The following TMEM179B variants were observed in gnomAD, a reference collection of about 807,000 sequenced individuals.
TMEM179B encodes the protein transmembrane protein 179B.
In TMEM179B, 13 loss-of-function variants were observed where a neutral mutation model predicts 18.0. The ratio of observed to expected loss-of-function variants is 0.72; its 90% CI spans 0.47 to 1.15. The LOEUF is 1.15. TMEM179B is among the 50% of genes most tolerant of loss of function. The pLI, the probability that TMEM179B is intolerant of heterozygous loss-of-function variation, is 0.00. For synonymous variants in TMEM179B, 159 were observed against 117.5 expected (o/e 1.35, Z -2.29); for missense variants, 320 against 270.6 (o/e 1.18, Z -1.28).
rs768806057 is a variant in TMEM179B at position 62,789,092 on chromosome 11, C to T, written c.166C>T (p.Arg56Cys). The change falls in exon 2 of 5, where the codon CGT (arginine) becomes TGT (cysteine). Residue 56 changes from arginine to cysteine, a missense_variant. Transcript: ENST00000333449. ...GAATGGCTCCTCCCTGGCCTTATCC[C>T]GTCCCTCAGCACCATCCCTGTGCTA... Reference protein sequence around the residue: ...TLNGSSLALSRPSAPSLCYFV... With the variant: ...TLNGSSLALSCPSAPSLCYFV... 6.2e-6 allele frequency: 10 copies of T among 1,614,076 alleles called. No homozygotes were observed. The highest frequency in any genetic ancestry group is 5.3e-5 in the African/African-American group (4 of 74,920).
intron 1 of TMEM179B, among the ~76,000 whole-genome samples, chr11:62,788,296 C>T (rs1005618868): frequency 1.3e-5 from 2 of 151,848 alleles, no homozygotes; most frequent in Non-Finnish European, 2.9e-5. Flanking sequence ...CCAGCTACTT[C>T]GGAGGCTGAG....
rs776181636 is a variant in TMEM179B at position 62,789,410 on chromosome 11, T to C, written c.403T>C (p.Leu135=). The part of the protein sequence containing the change: ...TRSLCNSIIS[L]NTTISCSEAQ... ...GTCTCTCTGCAACTCCATCATCTCC[T>C]TGAACACTACAATTAGGTAATGGGA... The change falls in exon 3 of 5, where the codon TTG becomes CTG. Residue 135 remains leucine, a synonymous_variant. Transcript: ENST00000333449. The C allele has an allele frequency of 6.2e-7, 1 of 1,613,872 alleles. No homozygotes were observed.
chr11:62,790,030 C>A lies in TMEM179B; in HGVS notation c.643C>A (p.Arg215Ser), dbSNP rs141258525. Residue 215 changes from arginine (R) to serine (S), a missense_variant, in exon 5 of 5, where the codon CGC (arginine) becomes AGC (serine). By Grantham distance (110) the Arg-to-Ser change is moderately radical. Transcript: ENST00000333449. ...TGAGACAGATGCTCTCGTTGGGTCA[C>A]GCCTTTCCCATTCCTGAAGAATAAG... ...SSETDALVGS[R>S]LSHS 6.2e-7 allele frequency: 1 copy of A among 1,611,914 alleles called. No individual in the cohort carries two copies. The highest frequency in any genetic ancestry group is 8.5e-7 in the Non-Finnish European group (1 of 1,178,916).
intron 3 of TMEM179B, 55 bp downstream of exon 3, chr11:62,789,481 G>C (rs1197844829): frequency 5.0e-6 from 8 of 1,610,804 alleles, no homozygotes; most frequent in Non-Finnish European, 6.8e-6. Flanking sequence ...CCTCTGCAGC[G>C]GGGTCCTATA....
chr11:62,788,703 A>G (rs2084320932), intron 1 of TMEM179B, among the ~76,000 whole-genome samples: 1 of 150,478 alleles, frequency 6.6e-6, no homozygotes, highest in Admixed American at 6.6e-5. Context: ...AGCACCTCAC[A>G]GATAGTTATT....
intron 1 of TMEM179B, chr11:62,788,049 A>G (rs2084309349): frequency 2.2e-5 from 10 of 454,588 alleles, no homozygotes; most frequent in South Asian, 1.6e-4. Flanking sequence ...GTTAATAAAC[A>G]TGGGTTCATT....
At chr11:62,789,761 C>G (rs1176756433) in intron 4 of TMEM179B, 82 bp downstream of exon 4, 1 of 1,514,480 alleles carries the variant, frequency 6.6e-7, no homozygotes, top group African/African-American at 1.4e-5. Context: ...TGAGCTTGGC[C>G]TACCAGTGAG....
rs1174625874 is a variant in TMEM179B, at chr11:62,790,244, TTAG to T, written c.*202_*204del. The T allele has an allele frequency of 3.2e-6, 2 of 625,330 alleles. No homozygotes were observed. The highest frequency in any genetic ancestry group is 2.6e-6 in the Non-Finnish European group (1 of 381,076). The allele number at this position is 625,330 out of a possible 1,614,324, so 38.7% of individuals were successfully genotyped here. A position where few individuals can be genotyped will look rare whatever the true frequency, so the allele number is the denominator to read the frequency against. On this transcript the variant is annotated 3_prime_UTR_variant, in exon 5 of 5. Coordinates refer to ENST00000333449, the MANE Select transcript of TMEM179B (RefSeq NM_199337.3). ...AAAATATTATATTACTGTCTTCATCTTAGTAGTGAGTTTTTGATGTTAAAGTAC... is the reference window on the plus strand; with the variant it reads ...AAAATATTATATTACTGTCTTCATCTTAGTGAGTTTTTGATGTTAAAGTAC...
In TMEM179B at chr11:62,789,215, C is replaced by T; in HGVS notation, c.284+5C>T. On this transcript the variant is annotated splice_donor_5th_base_variant and intron_variant, in intron 2 of 4. Transcript: ENST00000333449. ...CTGCATCGAGGACTCCCACAGGTGACTGCCTAACCCTGAGGGCCAGGGGCT... is the reference window on the plus strand; with the variant it reads ...CTGCATCGAGGACTCCCACAGGTGATTGCCTAACCCTGAGGGCCAGGGGCT... The T allele has an allele frequency of 6.2e-7, 1 of 1,613,966 alleles. No homozygotes were observed. The highest frequency in any genetic ancestry group is 8.5e-7 in the Non-Finnish European group (1 of 1,179,840).
Position 62,787,413 on chromosome 11 carries a change from T to C in TMEM179B, c.-19T>C. The C allele has an allele frequency of 6.4e-7, 1 of 1,557,076 alleles. No individual in the cohort carries two copies. Among genetic ancestry groups the C allele is most frequent in the Non-Finnish European group, 8.6e-7 (1 of 1,159,590 alleles). ...GGCGGGGTGCTGCTGCAGCGGCGCT[T>C]CCTGGTGGTCAGGGCGCCATGGCGC... On this transcript the variant is annotated 5_prime_UTR_variant, in exon 1 of 5. Transcript: ENST00000333449.
At chr11:62,789,481 G>T in intron 3 of TMEM179B, 55 bp downstream of exon 3, 1 of 1,610,922 alleles carries the variant, frequency 6.2e-7, no homozygotes, top group Non-Finnish European at 8.5e-7. Flanking sequence ...CCTCTGCAGC[G>T]GGGTCCTATA....
rs781136892 is a variant in TMEM179B at position 62,790,021 on chromosome 11, G to T, written c.634G>T (p.Val212Phe). ...GTGGAGCTCTGAGACAGATGCTCTC[G>T]TTGGGTCACGCCTTTCCCATTCCTG... Reference protein sequence around the residue: ...PEWSSETDALVGSRLSHS With the variant: ...PEWSSETDALFGSRLSHS Residue 212 changes from valine to phenylalanine, a missense_variant, in exon 5 of 5, where the codon GTT (valine) becomes TTT (phenylalanine). Coordinates refer to ENST00000333449, the MANE Select transcript of TMEM179B (RefSeq NM_199337.3). 6 of 1,613,478 alleles carry T rather than the reference G, an allele frequency of 3.7e-6. No homozygotes were observed. Among genetic ancestry groups the T allele is most frequent in the African/African-American group, 1.3e-5 (1 of 75,014 alleles).
At chr11:62,787,981 C>T in intron 1 of TMEM179B, 1 of 466,670 alleles carries the variant, frequency 2.1e-6, no homozygotes, top group South Asian at 1.5e-5. Flanking sequence ...ATGGAGAAAA[C>T]GCTGACGTAA....
Position 62,787,444 on chromosome 11 carries a change from T to G in TMEM179B, c.13T>G (p.Trp5Gly), listed in dbSNP as rs747484225. 2 of 1,568,984 alleles carry G rather than the reference T, an allele frequency of 1.3e-6. No homozygotes were observed. The highest frequency in any genetic ancestry group is 4.6e-5 in the East Asian group (2 of 43,032). The change falls in exon 1 of 5, where the codon TGG (tryptophan) becomes GGG (glycine). Residue 5 changes from tryptophan to glycine, a missense_variant. By Grantham distance (184) the Trp-to-Gly change is radical (BLOSUM62 -2). Transcript: ENST00000333449. ...TGGTCAGGGCGCCATGGCGCTGTCC[T>G]GGCTGCAGCGCGTCGAGCTTGCGCT... is the stretch of plus-strand genomic sequence containing the variant. MALS[W>G]LQRVELALFA...
At position 62,789,127 on chromosome 11, in the gene TMEM179B, TG is replaced by T. The variant is rs772200465; in HGVS notation, c.205del (p.Ala69ProfsTer30). On this transcript the variant is annotated frameshift_variant, in exon 2 of 5. Transcript: ENST00000333449. LOFTEE classifies it high-confidence loss of function. ...SAPSLCYFVA[G>X]ASGLLALYCL... The stretch of plus-strand genomic sequence containing the variant: ...CACCATCCCTGTGCTACTTTGTAGC[TG>T]GGGCCTCTGGCCTCTTGGCCCTCTA... The T allele has an allele frequency of 4.7e-5, 76 of 1,614,108 alleles. No homozygotes were observed. The highest frequency in any genetic ancestry group is 1.1e-5 in the Non-Finnish European group (13 of 1,180,054).
At chr11:62,787,987 C>T (rs1422691642) in intron 1 of TMEM179B, 6 of 464,788 alleles carry the variant, frequency 1.3e-5, no homozygotes, top group South Asian at 7.7e-5. Context: ...AAAACGCTGA[C>T]GTAAAGGTAG....
chr11:62,789,891 T>G lies in TMEM179B; in HGVS notation c.504T>G (p.Ser168=), dbSNP rs1460136062. The part of the protein sequence containing the change: ...FYSNLHNAET[S]SWVNLVLWCV... ...CCTGTCCCTGTCTCCTACAGACCTC[T>G]TCTTGGGTGAATTTGGTATTGTGGT... Residue 168 remains serine, a synonymous_variant, in exon 5 of 5, where the codon TCT becomes TCG. Transcript: ENST00000333449. The G allele has an allele frequency of 2.5e-6, 4 of 1,613,384 alleles. No homozygotes were observed. The African/African-American group carries it at 5.3e-5, about 22-fold the overall frequency.
Position 62,789,417 on chromosome 11 carries a change from C to CTA in TMEM179B, c.411_412dup (p.Thr138IlefsTer35). 6.2e-7 allele frequency: 1 copy of CTA among 1,613,876 alleles called. No homozygotes were observed. The highest frequency in any genetic ancestry group is 8.5e-7 in the Non-Finnish European group (1 of 1,180,016). Reference sequence around the variant, plus strand: ...TGCAACTCCATCATCTCCTTGAACACTACAATTAGGTAATGGGAGAGGGAG... The same window carrying CTA: ...TGCAACTCCATCATCTCCTTGAACACTATACAATTAGGTAATGGGAGAGGGAG... On this transcript the variant is annotated frameshift_variant, in exon 3 of 5. Coordinates refer to ENST00000333449, the MANE Select transcript of TMEM179B (RefSeq NM_199337.3). LOFTEE classifies it high-confidence loss of function.
rs59316522 is a variant in TMEM179B at position 62,789,562 on chromosome 11, C to T, written c.420-39C>T. On this transcript the variant is annotated intron_variant, in intron 3 of 4. Transcript: ENST00000333449. ...GGCACAGGTGTGCCTCGGATATAAA[C>T]TATCACGCTTTCTCACAACTGTCTC... 1.9e-6 allele frequency: 3 copies of T among 1,551,378 alleles called. No individual in the cohort carries two copies. The African/African-American group carries it at 4.1e-5, about 21-fold the overall frequency.
Sources: allele counts gnomAD v4.1 joint callset (sites outside exome capture counted in the v4.1 genomes callset), GRCh38; gene constraint gnomAD v4.1.1; transcripts MANE v1.5; gene names NCBI Gene and HGNC (gene_info 2026-07-23, HGNC 2026-07-21).